Variants in EYS observed in about 807,000 individuals in gnomAD.
EYS encodes the protein protein eyes shut homolog.
Under a neutral mutation model 282.1 loss-of-function variants are expected in EYS, and 250 were observed. The ratio of observed to expected loss-of-function variants is 0.89; its 90% confidence interval spans 0.80 to 0.98. EYS has a LOEUF of 0.98. Ranked by LOEUF, EYS falls within the 50% of genes least tolerant of loss-of-function variation. The pLI, the probability that EYS is intolerant of heterozygous loss-of-function variation, is 0.00. For missense variants in EYS, 4,016 were observed against 3,709.0 expected (o/e 1.08, Z -2.15); for synonymous variants, 1,355 against 1,282.9 (o/e 1.06, Z -1.20).
At chr6:64,490,315 T>G (rs1444316625) in intron 26 of EYS, among the ~76,000 whole-genome samples, 1 of 150,954 alleles carries the variant, frequency 6.6e-6, no homozygotes, top group Admixed American at 6.6e-5. Context: ...TTTATAAGAT[T>G]TCCTCAAGTA....
At chr6:64,543,987 T>C (rs1337759930) in intron 26 of EYS, among the ~76,000 whole-genome samples, 1 of 152,216 alleles carries the variant, frequency 6.6e-6, no homozygotes, top group Non-Finnish European at 1.5e-5. Context: ...TTCAGATTAT[T>C]TAATTTCTTA....
chr6:65,455,191 A>T (rs1764555612), intron 5 of EYS, among the ~76,000 whole-genome samples: 1 of 152,094 alleles, frequency 6.6e-6, no homozygotes, highest in South Asian at 2.1e-4. Flanking sequence ...AAAATTTTAT[A>T]CTTTTCAGTT....
At chr6:64,557,203 T>TAA (rs1562060414) in intron 26 of EYS, among the ~76,000 whole-genome samples, 1 of 106,692 alleles carries the variant, frequency 9.4e-6, no homozygotes, top group Non-Finnish European at 1.9e-5. Flanking sequence ...CACACACAGA[T>TAA]ACACACACAC....
At chr6:65,322,691 A>G (rs1769507283) in intron 11 of EYS, among the ~76,000 whole-genome samples, 1 of 151,248 alleles carries the variant, frequency 6.6e-6, no homozygotes, top group South Asian at 2.1e-4. Context: ...GCTACTCAGG[A>G]GGCTGAGGCA....
At chr6:64,686,742 A>AATATATATATATATATATGTGTATATAT (rs1562133589) in intron 22 of EYS, among the ~76,000 whole-genome samples, 11 of 33,728 alleles carry the variant, frequency 3.3e-4, no homozygotes, top group African/African-American at 6.8e-4. Context: ...ATTCCATCTA[A>AATATATATATATATATATGTGTATATAT]ATATATATAT....
chr6:63,743,386 G>A (rs969194827), intron 41 of EYS, among the ~76,000 whole-genome samples: 3 of 152,162 alleles, frequency 2.0e-5, no homozygotes, highest in African/African-American at 7.2e-5. Context: ...TAGTTTGGCA[G>A]GTGTATCAGC....
At chr6:65,681,184 A>G (rs1174272314) in intron 1 of EYS, among the ~76,000 whole-genome samples, 1 of 151,178 alleles carries the variant, frequency 6.6e-6, no homozygotes, top group Non-Finnish European at 1.5e-5. Flanking sequence ...GCTCAGTTTC[A>G]TGAGATTGCC....
intron 15 of EYS, among the ~76,000 whole-genome samples, chr6:64,919,411 CT>C (rs1562258967): frequency 1.2e-5 from 1 of 86,500 alleles, no homozygotes; most frequent in African/African-American, 4.5e-5. Flanking sequence ...TTATGTTTTT[CT>C]TTTTTTCTTT....
At chr6:65,689,315 A>G (rs371472391) in intron 1 of EYS, among the ~76,000 whole-genome samples, 2 of 149,738 alleles carry the variant, frequency 1.3e-5, no homozygotes, top group East Asian at 4.7e-4. Context: ...ATAGGTGGGA[A>G]TTGAACAATG....
intron 36 of EYS, chr6:63,822,306 T>C (rs1771346000): frequency 6.6e-6 from 1 of 152,076 alleles, no homozygotes; most frequent in African/African-American, 2.4e-5. Flanking sequence ...TAGAAACAGG[T>C]TTCACCATGT....
chr6:65,251,443 T>A (rs1031604052), intron 12 of EYS, among the ~76,000 whole-genome samples: 3 of 141,128 alleles, frequency 2.1e-5, no homozygotes, highest in African/African-American at 8.5e-5. Flanking sequence ...TATAAGTTCC[T>A]AGGATTTCCA....
intron 2 of EYS, among the ~76,000 whole-genome samples, chr6:65,578,528 T>C (rs77611321): frequency 0.091 from 13,788 of 151,766 alleles, 870 homozygotes; most frequent in African/African-American, 0.16. Flanking sequence ...CTATTATACA[T>C]CATGGTGACC....
chr6:64,574,278 G>A (rs1486794854), intron 26 of EYS, among the ~76,000 whole-genome samples: 1 of 152,066 alleles, frequency 6.6e-6, no homozygotes, highest in Admixed American at 6.6e-5. Flanking sequence ...GCCTATTGGT[G>A]GGTGGGGGCA....
chr6:65,086,887 G>A (rs1237011469), intron 12 of EYS, among the ~76,000 whole-genome samples: 2 of 151,470 alleles, frequency 1.3e-5, no homozygotes, highest in East Asian at 1.9e-4. Flanking sequence ...GCAGTGGCAC[G>A]AACTCGGCTC....
At chr6:64,954,287 A>T (rs1051084715) in intron 14 of EYS, among the ~76,000 whole-genome samples, 1 of 152,044 alleles carries the variant, frequency 6.6e-6, no homozygotes, top group Non-Finnish European at 1.5e-5. Context: ...AAAAAAAAGA[A>T]TTTAAAACTA....
At chr6:64,403,387 C>T (rs1388030009) in intron 28 of EYS, among the ~76,000 whole-genome samples, 2 of 151,854 alleles carry the variant, frequency 1.3e-5, no homozygotes, top group East Asian at 1.9e-4. Flanking sequence ...GATGGCGTCT[C>T]GCTCTGTCAC....
intron 22 of EYS, among the ~76,000 whole-genome samples, chr6:64,661,028 C>T (rs1443378438): frequency 1.3e-5 from 2 of 152,034 alleles, no homozygotes; most frequent in Non-Finnish European, 2.9e-5. Context: ...GTTACTGGTA[C>T]CAAAACAGAG....
chr6:64,877,599 C>T (rs183120602), intron 19 of EYS, among the ~76,000 whole-genome samples: 116 of 152,132 alleles, frequency 7.6e-4, no homozygotes, highest in Non-Finnish European at 7.5e-4. Flanking sequence ...TAAAATGCTA[C>T]TGATAATATG....
chr6:64,089,049 T>A (rs1772260562), intron 31 of EYS, among the ~76,000 whole-genome samples: 1 of 151,990 alleles, frequency 6.6e-6, no homozygotes, highest in African/African-American at 2.4e-5. Flanking sequence ...AAATTAAAAA[T>A]TAATACTACT....
Sources: allele counts gnomAD v4.1 joint callset (sites outside exome capture counted in the v4.1 genomes callset), GRCh38; gene constraint gnomAD v4.1.1; transcripts MANE v1.5; gene names NCBI Gene and HGNC (gene_info 2026-07-23, HGNC 2026-07-21).